The following EXOC4 variants were observed in gnomAD, a reference collection of about 807,000 sequenced individuals.
EXOC4 encodes the protein SEC8-like 1.
EXOC4 carries 71 observed loss-of-function variants against 107.2 expected under a neutral mutation model. The observed-to-expected ratio is 0.66, with a 90% CI of 0.55 to 0.81. The LOEUF is 0.81. Among genes scored for constraint, EXOC4 ranks in the 30% least tolerant of loss-of-function variants. EXOC4 has a pLI of 0.00. For synonymous variants in EXOC4, 456 were observed against 441.2 expected (o/e 1.03, Z -0.42); for missense variants, 1,108 against 1,189.6 (o/e 0.93, Z 1.01).
chr7:133,745,451 T>C (rs981809248), intron 10 of EXOC4, among the ~76,000 whole-genome samples: 5 of 152,134 alleles, frequency 3.3e-5, no homozygotes, highest in Non-Finnish European at 7.4e-5. Flanking sequence ...ATTAAATGAC[T>C]AACATATAGG....
chr7:133,876,359 A>G (rs1256474364), intron 11 of EXOC4, among the ~76,000 whole-genome samples: 1 of 152,000 alleles, frequency 6.6e-6, no homozygotes, highest in Non-Finnish European at 1.5e-5. Context: ...CATTACCTCG[A>G]GTGAGTCTTC....
At chr7:133,351,696 T>C (rs1415154283) in intron 5 of EXOC4, among the ~76,000 whole-genome samples, 2 of 151,976 alleles carry the variant, frequency 1.3e-5, no homozygotes, top group Non-Finnish European at 2.9e-5. Context: ...TGCTCTAATC[T>C]TTATATTTAC....
At chr7:134,021,705 C>T (rs909955799) in intron 17 of EXOC4, among the ~76,000 whole-genome samples, 2 of 126,904 alleles carry the variant, frequency 1.6e-5, no homozygotes, top group Non-Finnish European at 3.2e-5. Flanking sequence ...TTCTCAGTTG[C>T]AGATGGAGTC....
chr7:133,253,425 A>C lies in EXOC4; in HGVS notation c.86+238A>C, dbSNP rs992568072. ...CCTCAGTCTTTTCTTTAGGGGCAGC[A>C]CCTTCTATTACAGTCTCGGGACCCC... On this transcript the variant is annotated intron_variant, in intron 1 of 17. Transcript: ENST00000253861. The C allele has an allele frequency of 1.9e-5, 24 of 1,261,988 alleles. No homozygotes were observed. The Admixed American group carries it at 9.2e-4, about 49-fold the overall frequency. The allele number at this position is 1,261,988 out of a possible 1,614,324, so 78.2% of individuals were successfully genotyped here.
chr7:133,378,857 G>C (rs1417554086), intron 7 of EXOC4, among the ~76,000 whole-genome samples: 1 of 151,908 alleles, frequency 6.6e-6, no homozygotes, highest in Non-Finnish European at 1.5e-5. Flanking sequence ...CAAGATGATA[G>C]ACTTAGCACC....
intron 5 of EXOC4, among the ~76,000 whole-genome samples, chr7:133,319,435 T>C (rs1344639049): frequency 6.6e-6 from 1 of 152,212 alleles, no homozygotes; most frequent in Admixed American, 6.5e-5. Context: ...GGTAGTTGAC[T>C]GGGGCTAGGA....
chr7:133,857,654 G>A (rs1051959718), intron 11 of EXOC4, among the ~76,000 whole-genome samples: 1 of 151,752 alleles, frequency 6.6e-6, no homozygotes, highest in African/African-American at 2.4e-5. Context: ...CCCAGCTGCT[G>A]CGGCAGGGCA....
chr7:133,855,104 AATATATATAAATATATATAT>A (rs1798334778), intron 11 of EXOC4, among the ~76,000 whole-genome samples: 1 of 61,892 alleles, frequency 1.6e-5, no homozygotes, highest in Non-Finnish European at 3.2e-5. Context: ...TATATATATA[AATATATATAAATATATATAT>A]ATAAATATAT....
At chr7:133,367,200 T>C (rs1475794067) in intron 6 of EXOC4, among the ~76,000 whole-genome samples, 2 of 152,178 alleles carry the variant, frequency 1.3e-5, no homozygotes, top group Non-Finnish European at 2.9e-5. Flanking sequence ...AGCAGGTAGA[T>C]AATTGAAGAT....
Position 133,374,526 on chromosome 7 carries a change from A to G in EXOC4, c.1008-302A>G, listed in dbSNP as rs536090593. ...ATAGTAGTAGTATTGTAATCCGTGA[A>G]CTATGTTAAAACGGCAACATATGTT... On this transcript the variant is annotated intron_variant, in intron 6 of 17. Coordinates refer to ENST00000253861, the MANE Select transcript of EXOC4 (RefSeq NM_021807.4). Among the ~76,000 whole-genome samples the G allele has an allele frequency of 5.9e-5, 9 of 152,314 alleles. No homozygotes were observed. The East Asian group carries it at 9.6e-4, about 16-fold the overall frequency.
chr7:134,023,192 AAAG>A (rs954955662), intron 17 of EXOC4, among the ~76,000 whole-genome samples: 2 of 152,204 alleles, frequency 1.3e-5, no homozygotes, highest in African/African-American at 2.4e-5. Context: ...ATCCATTACC[AAAG>A]AAGAATACTA....
At chr7:133,573,957 T>A (rs997226358) in intron 9 of EXOC4, among the ~76,000 whole-genome samples, 1 of 152,222 alleles carries the variant, frequency 6.6e-6, no homozygotes, top group Non-Finnish European at 1.5e-5. Context: ...CTTTGTGAAA[T>A]CTTAAAATAC....
At position 134,017,196 on chromosome 7, in the gene EXOC4, AG is replaced by A. The variant is rs565280741; in HGVS notation, c.2687+9362del. 8.1e-4 allele frequency among the ~76,000 whole-genome samples: 123 copies of A among 152,242 alleles called. 2 individuals are homozygous for A. Among genetic ancestry groups the A allele is most frequent in the South Asian group, 6.8e-3 (33 of 4,824 alleles). On this transcript the variant is annotated intron_variant, in intron 17 of 17. Coordinates refer to ENST00000253861, the MANE Select transcript of EXOC4 (RefSeq NM_021807.4). ...TCCCAAGATTTGCCTTTAATACCCC[AG>A]ATTTTTGACTCAAGATTATTAGCCG...
chr7:133,965,504 T>G (rs1026863394), intron 14 of EXOC4, among the ~76,000 whole-genome samples: 1 of 152,204 alleles, frequency 6.6e-6, no homozygotes, highest in Admixed American at 6.5e-5. Context: ...TTAATTTTTG[T>G]ATAAGGTGTA....
At chr7:133,637,258 TATA>T (rs1802735103) in intron 10 of EXOC4, among the ~76,000 whole-genome samples, 1 of 152,224 alleles carries the variant, frequency 6.6e-6, no homozygotes, top group South Asian at 2.1e-4. Flanking sequence ...TTATAGTACT[TATA>T]ATATCACATA....
intron 7 of EXOC4, among the ~76,000 whole-genome samples, chr7:133,392,334 A>C (rs1796871127): frequency 1.3e-5 from 2 of 152,184 alleles, no homozygotes; most frequent in Admixed American, 6.5e-5. Flanking sequence ...ACATAGGCTA[A>C]AAATGGAGCT....
intron 9 of EXOC4, among the ~76,000 whole-genome samples, chr7:133,523,439 C>CTTT (rs60649774): frequency 7.0e-6 from 1 of 143,330 alleles, no homozygotes; most frequent in Admixed American, 6.9e-5. Flanking sequence ...CCTTTCAGTT[C>CTTT]TTTTTTTTTT....
At chr7:133,557,720 GTGGCTCA>G (rs1187399656) in intron 9 of EXOC4, among the ~76,000 whole-genome samples, 4 of 152,168 alleles carry the variant, frequency 2.6e-5, no homozygotes, top group Non-Finnish European at 5.9e-5. Flanking sequence ...GCCGGGCGCG[GTGGCTCA>G]CACCTGTAAT....
the EXOC4 span, among the ~76,000 whole-genome samples, chr7:134,093,958 C>T: frequency 6.6e-6 from 1 of 152,072 alleles, no homozygotes; most frequent in Non-Finnish European, 1.5e-5. Context: ...TAAATGTCTA[C>T]CTCAAAAAGT....
Sources: allele counts gnomAD v4.1 joint callset (sites outside exome capture counted in the v4.1 genomes callset), GRCh38; gene constraint gnomAD v4.1.1; transcripts MANE v1.5; gene names NCBI Gene and HGNC (gene_info 2026-07-23, HGNC 2026-07-21).